The following FAM168A variants were observed in gnomAD, a reference collection of about 807,000 sequenced individuals.
FAM168A encodes the protein protein FAM168A.
Under a neutral mutation model 28.5 loss-of-function variants are expected in FAM168A, and 3 were observed. The ratio of observed to expected loss-of-function variants is 0.11; its 90% CI spans 0.05 to 0.27. The LOEUF (loss-of-function observed/expected upper bound fraction) is 0.27, where lower values mean the gene tolerates loss of function less well. Among genes scored for constraint, FAM168A ranks in the 10% least tolerant of loss-of-function variants. FAM168A has a pLI of 1.00. For missense variants in FAM168A, 222 were observed against 311.5 expected, an observed-to-expected ratio of 0.71 and a Z score of 2.16; for synonymous variants, 122 against 124.2, an observed-to-expected ratio of 0.98 and a Z score of 0.12.
At position 73,401,136 on chromosome 11, in the gene FAM168A, T is replaced by C. The variant is rs886772863; in HGVS notation, c.*5627A>G. 6.6e-6 allele frequency: 1 copy of C among 151,058 alleles called. No homozygotes were observed. The allele number at this position is 151,058 out of a possible 1,614,324, so 9.4% of individuals were successfully genotyped here. ...TTTTAAATTTTATTTCTTTTTAAAA[T>C]GTGAGTTCCAATAAAATTTAAAAAT... On this transcript the variant is annotated 3_prime_UTR_variant, in exon 8 of 8. Coordinates refer to ENST00000356467, the MANE Select transcript of FAM168A (RefSeq NM_015159.3).
chr11:73,560,007 C>G (rs12280651), intron 1 of FAM168A, among the ~76,000 whole-genome samples: 121 of 152,226 alleles, frequency 7.9e-4, no homozygotes, highest in African/African-American at 2.5e-3. Context: ...TAAATAAATC[C>G]AAGCAGTTAT....
chr11:73,475,569 G>A (rs1867876647), intron 1 of FAM168A, among the ~76,000 whole-genome samples: 1 of 151,892 alleles, frequency 6.6e-6, no homozygotes, highest in Non-Finnish European at 1.5e-5. Context: ...ATAGAAGGAG[G>A]TGGAACTTCT....
At chr11:73,589,057 G>A (rs977769625) in intron 1 of FAM168A, among the ~76,000 whole-genome samples, 1 of 152,098 alleles carries the variant, frequency 6.6e-6, no homozygotes, top group Non-Finnish European at 1.5e-5. Flanking sequence ...CTTCTTTCTA[G>A]CCTGCAACAC....
intron 2 of FAM168A, among the ~76,000 whole-genome samples, chr11:73,448,027 T>TA (rs1189720657): frequency 6.6e-6 from 1 of 152,102 alleles, no homozygotes; most frequent in Non-Finnish European, 1.5e-5. Context: ...TATTATTACT[T>TA]ATGTGTCAAG....
intron 1 of FAM168A, among the ~76,000 whole-genome samples, chr11:73,503,759 A>G (rs1422102697): frequency 6.6e-6 from 1 of 152,242 alleles, no homozygotes; most frequent in African/African-American, 2.4e-5. Flanking sequence ...TTCAAACTAT[A>G]CTACAAGGCT....
chr11:73,532,293 T>C (rs567512153), intron 1 of FAM168A, among the ~76,000 whole-genome samples: 11 of 152,174 alleles, frequency 7.2e-5, no homozygotes, highest in Non-Finnish European at 1.5e-4. Flanking sequence ...TCAGGACATA[T>C]ACCTACCCCA....
At chr11:73,539,232 G>A (rs1943622304) in intron 1 of FAM168A, among the ~76,000 whole-genome samples, 1 of 151,934 alleles carries the variant, frequency 6.6e-6, no homozygotes, top group African/African-American at 2.4e-5. Flanking sequence ...AGGAATATAG[G>A]ATACACAATC....
At chr11:73,435,252 G>A (rs191472116) in intron 2 of FAM168A, among the ~76,000 whole-genome samples, 299 of 152,314 alleles carry the variant, frequency 2.0e-3, no homozygotes, top group African/African-American at 6.7e-3. Flanking sequence ...GCAATCTGGA[G>A]GTGTGCTACT....
chr11:73,413,267 TC>T (rs1383871516), intron 4 of FAM168A, among the ~76,000 whole-genome samples: 1 of 152,186 alleles, frequency 6.6e-6, no homozygotes, highest in African/African-American at 2.4e-5. Flanking sequence ...CACCTGCAGA[TC>T]CATAGTTTTT....
chr11:73,490,981 T>C (rs1868120239), intron 1 of FAM168A, among the ~76,000 whole-genome samples: 2 of 152,132 alleles, frequency 1.3e-5, no homozygotes, highest in African/African-American at 4.8e-5. Context: ...ATTTGAGAGG[T>C]GCCCCTGTTC....
At chr11:73,490,006 C>A (rs945023855) in intron 1 of FAM168A, among the ~76,000 whole-genome samples, 4 of 152,142 alleles carry the variant, frequency 2.6e-5, no homozygotes, top group African/African-American at 4.8e-5. Context: ...ATTGCATAAC[C>A]AAATACCATC....
intron 1 of FAM168A, among the ~76,000 whole-genome samples, chr11:73,555,576 T>A (rs1017862148): frequency 1.3e-5 from 2 of 151,720 alleles, no homozygotes; most frequent in African/African-American, 4.8e-5. Flanking sequence ...GGCGTGGTCA[T>A]GGGCGCCTGT....
chr11:73,422,891 G>C (rs1365782236), intron 3 of FAM168A, among the ~76,000 whole-genome samples: 1 of 152,160 alleles, frequency 6.6e-6, no homozygotes, highest in Admixed American at 6.5e-5. Flanking sequence ...CCTGGATACG[G>C]GGCCCTCACG....
intron 1 of FAM168A, among the ~76,000 whole-genome samples, chr11:73,528,086 A>G (rs935876050): frequency 6.6e-6 from 1 of 152,224 alleles, no homozygotes; most frequent in African/African-American, 2.4e-5. Flanking sequence ...ATAAACAGCT[A>G]AATAATTTGA....
In FAM168A at chr11:73,445,419, C is replaced by CTTTT. The variant is rs56294455; in HGVS notation, c.71-14653_71-14650dup. 1.6e-3 allele frequency among the ~76,000 whole-genome samples: 79 copies of CTTTT among 50,454 alleles called. 5 individuals are homozygous for CTTTT. Among genetic ancestry groups the CTTTT allele is most frequent in the Non-Finnish European group, 2.2e-3 (60 of 27,324 alleles). The allele number at this position is 50,454 out of a possible 152,430, so 33.1% of individuals were successfully genotyped here. The stretch of plus-strand genomic sequence containing the variant: ...CCAGTAGATATATGTAAAAATGTCT[C>CTTTT]TTTTTTTTTTTTTTTTTTTTTTTTT... On this transcript the variant is annotated intron_variant, in intron 2 of 7. Transcript: ENST00000356467.
intron 1 of FAM168A, among the ~76,000 whole-genome samples, chr11:73,513,586 C>A (rs1490173691): frequency 6.6e-6 from 1 of 152,086 alleles, no homozygotes; most frequent in African/African-American, 2.4e-5. Flanking sequence ...CCCTAGAAAT[C>A]TCATGTTGAG....
chr11:73,448,814 G>C (rs967957042), intron 2 of FAM168A, among the ~76,000 whole-genome samples: 5 of 152,192 alleles, frequency 3.3e-5, no homozygotes, highest in Non-Finnish European at 4.4e-5. Context: ...GAATCATAGA[G>C]ATATTGGTCT....
Position 73,466,757 on chromosome 11 carries a change from C to T in FAM168A, c.70+1648G>A, listed in dbSNP as rs540975926. 2.6e-5 allele frequency among the ~76,000 whole-genome samples: 4 copies of T among 152,142 alleles called. No individual in the cohort carries two copies. In the East Asian group the frequency reaches 7.7e-4, roughly 29 times the overall value. On this transcript the variant is annotated intron_variant, in intron 2 of 7. Transcript: ENST00000356467. Reference sequence around the variant, plus strand: ...GATTTTAAGAAAGAAAAAGAAATCCCTATTACTCAAAAAATGAAGAGGAAA... The same window carrying T: ...GATTTTAAGAAAGAAAAAGAAATCCTTATTACTCAAAAAATGAAGAGGAAA...
At chr11:73,512,371 G>C (rs1398776334) in intron 1 of FAM168A, among the ~76,000 whole-genome samples, 1 of 152,112 alleles carries the variant, frequency 6.6e-6, no homozygotes, top group African/African-American at 2.4e-5. Context: ...CATAGAGAAA[G>C]AATGTAGATT....
Sources: gnomAD v4.1 joint callset for allele counts (sites outside exome capture counted in the v4.1 genomes callset) on GRCh38, gnomAD v4.1.1 for gene constraint, MANE v1.5 for transcripts, NCBI Gene and HGNC (gene_info 2026-07-23, HGNC 2026-07-21) for gene names.